Variants in TMEM268 observed in about 807,000 individuals in gnomAD.
TMEM268 encodes the protein transmembrane protein C9orf91.
In TMEM268, 24 loss-of-function variants were observed where a neutral mutation model predicts 39.1. The ratio of observed to expected loss-of-function variants is 0.61; its 90% CI spans 0.44 to 0.86. The LOEUF (loss-of-function observed/expected upper bound fraction) is 0.86, where lower values mean the gene tolerates loss of function less well. Among genes scored for constraint, TMEM268 ranks in the 40% least tolerant of loss-of-function variants. The probability of loss-of-function intolerance (pLI) is 0.00; values close to 1 mark genes in which losing one functional copy is unlikely to be tolerated. For missense variants in TMEM268, 409 were observed against 428.6 expected, an observed-to-expected ratio of 0.95 and a Z score of 0.40; for synonymous variants, 176 against 173.5, an observed-to-expected ratio of 1.01 and a Z score of -0.12.
chr9:114,615,997 T>C (rs1845689407), intron 1 of TMEM268, among the ~76,000 whole-genome samples: 1 of 149,876 alleles, frequency 6.7e-6, no homozygotes, highest in Middle Eastern at 3.2e-3. Flanking sequence ...CGGCCTACTT[T>C]TCTTTTTCTT....
chr9:114,625,893 C>T (rs919191611), intron 3 of TMEM268, among the ~76,000 whole-genome samples: 16 of 151,190 alleles, frequency 1.1e-4, no homozygotes, highest in African/African-American at 3.7e-4. Context: ...GTGGTGTGAT[C>T]TCGGCTCACT....
chr9:114,623,181 A>G (rs1348364992), intron 2 of TMEM268, among the ~76,000 whole-genome samples: 1 of 152,060 alleles, frequency 6.6e-6, no homozygotes, highest in African/African-American at 2.4e-5. Flanking sequence ...ATGGAGTTTC[A>G]TTCTTGTTGC....
rs199790182 is a variant in TMEM268, at chr9:114,643,166, C to A, written c.882C>A (p.Gly294=). Residue 294 remains glycine, a synonymous_variant, in exon 9 of 9, where the codon GGC becomes GGA. Coordinates refer to ENST00000288502, the MANE Select transcript of TMEM268 (RefSeq NM_153045.4). Reference sequence around the variant, plus strand: ...CCCGCCAGCTGCTGGCAGTGTTTGGCGGCTACTACATCCGGCTTCTAGTGA... The same window carrying A: ...CCCGCCAGCTGCTGGCAGTGTTTGGAGGCTACTACATCCGGCTTCTAGTGA... ...EMARQLLAVF[G]GYYIRLLVTS... is the part of the protein sequence containing the mutation. The A allele has an allele frequency of 1.1e-5, 18 of 1,614,140 alleles. No individual in the cohort carries two copies. In the Admixed American group the frequency reaches 3.0e-4, roughly 27 times the overall value.
intron 6 of TMEM268, among the ~76,000 whole-genome samples, chr9:114,634,294 C>T (rs10982342): frequency 6.6e-6 from 1 of 152,014 alleles, no homozygotes; most frequent in Admixed American, 6.6e-5. Context: ...TTATAGCAAA[C>T]GGACAGCCCC....
At chr9:114,623,548 GGGA>G (rs1304500175) in intron 2 of TMEM268, among the ~76,000 whole-genome samples, 2 of 152,186 alleles carry the variant, frequency 1.3e-5, no homozygotes, top group East Asian at 3.8e-4. Context: ...GGAGGCTCTG[GGGA>G]GAATCCATTT....
rs41308898 is a variant in TMEM268, at chr9:114,624,777, G to A, written c.216+318G>A. On this transcript the variant is annotated intron_variant, in intron 3 of 8. Transcript: ENST00000288502. ...GACGTGTGTGGGAGAAATTGGGACA[G>A]TATCATATAAATGCCACAGAAGAGG... Among the ~76,000 whole-genome samples, 895 of 152,342 alleles carry A rather than the reference G, an allele frequency of 5.9e-3. 5 individuals carry two copies. Among genetic ancestry groups the A allele is most frequent in the Non-Finnish European group, 9.6e-3 (652 of 68,036 alleles).
In TMEM268 at chr9:114,615,810, C is replaced by T. The variant is rs530399545; in HGVS notation, c.-78-1308C>T. 2.0e-4 allele frequency among the ~76,000 whole-genome samples: 31 copies of T among 152,120 alleles called. No homozygotes were observed. The South Asian group carries it at 4.8e-3, about 23-fold the overall frequency. On this transcript the variant is annotated intron_variant, in intron 1 of 8. Transcript: ENST00000288502. Reference sequence around the variant, plus strand: ...GTTCAAGTGATTCTCCTGCCTCAGCCTCCCAAGCAGCTGGGATTACAGGTG... The same window carrying T: ...GTTCAAGTGATTCTCCTGCCTCAGCTTCCCAAGCAGCTGGGATTACAGGTG...
chr9:114,612,142 AC>A (rs1845526119), intron 1 of TMEM268, among the ~76,000 whole-genome samples: 1 of 152,168 alleles, frequency 6.6e-6, no homozygotes, highest in South Asian at 2.1e-4. Context: ...CACAAACAAA[AC>A]AAAACCTGAC....
upstream of TMEM268, among the ~76,000 whole-genome samples, chr9:114,610,747 A>T (rs62578856): frequency 0.068 from 10,294 of 152,280 alleles, 490 homozygotes; most frequent in South Asian, 0.14. Flanking sequence ...TATCTCATTA[A>T]ATCTTCACAC....
the TMEM268 span, among the ~76,000 whole-genome samples, chr9:114,605,931 CA>C: frequency 2.7e-5 from 4 of 150,898 alleles, no homozygotes; most frequent in Non-Finnish European, 5.9e-5. Context: ...GATCCTGTAT[CA>C]AAAAACAAAA....
rs1312508648 is a variant in TMEM268 at position 114,628,197 on chromosome 9, G to A, written c.421G>A (p.Ala141Thr). 65 of 1,614,056 alleles carry A rather than the reference G, an allele frequency of 4.0e-5. No individual in the cohort carries two copies. Among genetic ancestry groups the A allele is most frequent in the Admixed American group, 8.3e-5 (5 of 59,990 alleles). The stretch of plus-strand genomic sequence containing the variant: ...TGGCATGCTGCTCGTGACCCTGGCC[G>A]CGGTGAGCCTGACCTTGACTCTTGT... ...WAGMLLVTLA[A>T]VSLTLTLVLV... is the part of the protein sequence containing the mutation. The change falls in exon 5 of 9, where the codon GCG (alanine) becomes ACG (threonine). Residue 141 changes from alanine to threonine, a missense_variant. Coordinates refer to ENST00000288502, the MANE Select transcript of TMEM268 (RefSeq NM_153045.4).
chr9:114,624,056 C>T (rs1846052054), intron 2 of TMEM268: 1 of 259,492 alleles, frequency 3.9e-6, no homozygotes, highest in African/African-American at 2.3e-5. Flanking sequence ...TTTGTGGGGA[C>T]AAAAAATGCC....
chr9:114,609,505 CAAAACA>C (rs564027021), upstream of TMEM268, among the ~76,000 whole-genome samples: 43 of 151,234 alleles, frequency 2.8e-4, no homozygotes, highest in East Asian at 9.9e-4. Context: ...CCTGCATCTA[CAAAACA>C]AAAACAAAAA....
chr9:114,634,560 C>G (rs1255718110), intron 6 of TMEM268, among the ~76,000 whole-genome samples: 15 of 152,186 alleles, frequency 9.9e-5, no homozygotes, highest in Admixed American at 9.2e-4. Flanking sequence ...CCTGGCTGAA[C>G]TCTCCTGTTC....
intron 5 of TMEM268, among the ~76,000 whole-genome samples, chr9:114,631,291 A>AAAAAAAAAAAAG (rs1243699249): frequency 1.2e-3 from 29 of 23,340 alleles, no homozygotes; most frequent in African/African-American, 2.8e-3. Context: ...TCAAAAAAAA[A>AAAAAAAAAAAAG]AAAAAAAAAA....
In TMEM268 at chr9:114,620,803, G is replaced by C. The variant is rs569517534; in HGVS notation, c.106+3502G>C. Among the ~76,000 whole-genome samples, 3 of 152,144 alleles carry C rather than the reference G, an allele frequency of 2.0e-5. No individual in the cohort carries two copies. In the East Asian group the frequency reaches 5.8e-4, roughly 29 times the overall value. ...CTCTAAGCAAGGAAACAGGCCCATG[G>C]GTTTAAGTTTCCTCCTCAACTTTAC... On this transcript the variant is annotated intron_variant, in intron 2 of 8. Coordinates refer to ENST00000288502, the MANE Select transcript of TMEM268 (RefSeq NM_153045.4).
At chr9:114,604,060 C>T in the TMEM268 span, among the ~76,000 whole-genome samples, 1 of 151,686 alleles carries the variant, frequency 6.6e-6, no homozygotes, top group Non-Finnish European at 1.5e-5. Flanking sequence ...GTTAAGGAAC[C>T]AGCCCAAGGA....
upstream of TMEM268, among the ~76,000 whole-genome samples, chr9:114,610,134 G>C (rs1845441561): frequency 6.6e-6 from 1 of 152,070 alleles, no homozygotes; most frequent in Non-Finnish European, 1.5e-5. Context: ...CCACCTCCCG[G>C]GTTCAAGCGA....
chr9:114,644,686 T>C lies in TMEM268; in HGVS notation c.*1373T>C, dbSNP rs1396591964. The C allele has an allele frequency of 6.6e-6, 1 of 152,206 alleles. No individual in the cohort carries two copies. The highest frequency in any genetic ancestry group is 1.5e-5 in the Non-Finnish European group (1 of 68,046). The allele number at this position is 152,206 out of a possible 1,614,324, so 9.4% of individuals were successfully genotyped here. On this transcript the variant is annotated 3_prime_UTR_variant, in exon 9 of 9. Coordinates refer to ENST00000288502, the MANE Select transcript of TMEM268 (RefSeq NM_153045.4). ...ACTCACTTGAATGATGACATTGCTG[T>C]GGACCTGGGTTCTGGACCTGATCTG...
Sources: allele counts gnomAD v4.1 joint callset (sites outside exome capture counted in the v4.1 genomes callset), GRCh38; gene constraint gnomAD v4.1.1; transcripts MANE v1.5; gene names NCBI Gene and HGNC (gene_info 2026-07-23, HGNC 2026-07-21).